TUBGCP2: variants seen among roughly 807,000 people sequenced by gnomAD.
TUBGCP2 encodes the protein tubulin gamma complex component 2.
In TUBGCP2, 55 loss-of-function variants were observed where a neutral mutation model predicts 92.2. The ratio of observed to expected loss-of-function variants is 0.60; its 90% CI spans 0.48 to 0.75. TUBGCP2 has a LOEUF of 0.75. TUBGCP2 is among the 30% of genes least tolerant of loss of function. The pLI, the probability that TUBGCP2 is intolerant of heterozygous loss-of-function variation, is 0.00. For synonymous variants in TUBGCP2, 533 were observed against 505.2 expected, an observed-to-expected ratio of 1.06 and a Z score of -0.74; for missense variants, 1,093 against 1,188.9, an observed-to-expected ratio of 0.92 and a Z score of 1.19.
At chr10:133,305,087 A>T (rs1373529267) in intron 1 of TUBGCP2, among the ~76,000 whole-genome samples, 1 of 152,140 alleles carries the variant, frequency 6.6e-6, no homozygotes, top group Non-Finnish European at 1.5e-5. Context: ...GCCTGACATC[A>T]GTCAGGCCCG....
At position 133,285,227 on chromosome 10, in the gene TUBGCP2, G is replaced by C; in HGVS notation, c.1896-14C>G. ...GTGAGGGCTTTCCTGCAAGAGACGT[G>C]GCGGCACCTCAGGTGGGCCTCCGTG... On this transcript the variant is annotated splice_polypyrimidine_tract_variant and intron_variant, in intron 12 of 17. Coordinates refer to ENST00000252936, the MANE Select transcript of TUBGCP2 (RefSeq NM_006659.4). The surrounding 1 kb of genome is among the most constrained non-coding windows in gnomAD (Gnocchi z 6.8). 1 of 1,610,976 alleles carries C rather than the reference G, an allele frequency of 6.2e-7. No individual in the cohort carries two copies. The highest frequency in any genetic ancestry group is 8.5e-7 in the Non-Finnish European group (1 of 1,179,968).
rs944955808 is a variant in TUBGCP2 at position 133,279,379 on chromosome 10, G to A, written c.*387C>T. 2.6e-4 allele frequency: 52 copies of A among 197,726 alleles called. 1 individual carries two copies. Among genetic ancestry groups the A allele is most frequent in the Non-Finnish European group, 1.7e-4 (16 of 96,734 alleles). The allele number at this position is 197,726 out of a possible 1,614,324, so 12.2% of individuals were successfully genotyped here. ...CTGACCGTTTCCAGAGGCTTGTCCC[G>A]GTTCCGACAGACCTCAGGAAGCCCG... On this transcript the variant is annotated 3_prime_UTR_variant, in exon 18 of 18. Transcript: ENST00000252936.
chr10:133,304,703 A>T lies in TUBGCP2; in HGVS notation c.-39-1723T>A, dbSNP rs946618398. On this transcript the variant is annotated intron_variant, in intron 1 of 17. Coordinates refer to ENST00000252936, the MANE Select transcript of TUBGCP2 (RefSeq NM_006659.4). ...ATGCTAGATCTAGATCATAGATATG[A>T]TTATATATGAATATCATTAATCATC... Among the ~76,000 whole-genome samples the T allele has an allele frequency of 1.3e-5, 2 of 152,358 alleles. 1 individual carries two copies. The highest frequency in any genetic ancestry group is 1.3e-4 in the Admixed American group (2 of 15,304).
At chr10:133,310,554 C>A (rs1022586821), upstream of TUBGCP2, 1 of 490,254 alleles carries the variant, frequency 2.0e-6, no homozygotes, top group East Asian at 3.9e-5. Flanking sequence ...AATGAGCGGG[C>A]GCAGCGCCTC....
chr10:133,299,625 T>C, intron 3 of TUBGCP2, 22 bp from the exon 4 acceptor site: 1 of 1,581,796 alleles, frequency 6.3e-7, no homozygotes, highest in South Asian at 1.1e-5. Flanking sequence ...TAAAACTGTG[T>C]GTTCACACTG....
In TUBGCP2 at chr10:133,300,086, G is replaced by C. The variant is rs1847605806; in HGVS notation, c.178C>G (p.Pro60Ala). The C allele has an allele frequency of 5.0e-6, 8 of 1,613,906 alleles. No individual in the cohort carries two copies. Among genetic ancestry groups the C allele is most frequent in the Admixed American group, 1.7e-5 (1 of 59,984 alleles). ...KVKIAEFSRTPEDFLKKYDEL... is the reference protein window; with the variant it reads ...KVKIAEFSRTAEDFLKKYDEL... Reference sequence around the variant, plus strand: ...TCATATTTCTTTAGAAAGTCTTCTGGAGTACGAGAAAACTCTGCAATTTTA... The same window carrying C: ...TCATATTTCTTTAGAAAGTCTTCTGCAGTACGAGAAAACTCTGCAATTTTA... Residue 60 changes from proline to alanine, a missense_variant, in exon 3 of 18, where the codon CCA (proline) becomes GCA (alanine). Coordinates refer to ENST00000252936, the MANE Select transcript of TUBGCP2 (RefSeq NM_006659.4).
At position 133,279,993 on chromosome 10, in the gene TUBGCP2, G is replaced by GC. The variant is rs1025839076; in HGVS notation, c.2574-93dup. 4 of 1,523,696 alleles carry GC rather than the reference G, an allele frequency of 2.6e-6. No individual in the cohort carries two copies. In the African/African-American group the frequency reaches 4.2e-5, roughly 16 times the overall value. The allele number at this position is 1,523,696 out of a possible 1,614,324, so 94.4% of individuals were successfully genotyped here. On this transcript the variant is annotated intron_variant, in intron 17 of 17. Transcript: ENST00000252936. ...TGTGGAAGGACGGTGCAGCTAGGGT[G>GC]CACACCCCTTCTGCGGGTGCGTGCT...
chr10:133,308,881 C>T, upstream of TUBGCP2: 1 of 1,193,370 alleles, frequency 8.4e-7, no homozygotes, highest in Non-Finnish European at 1.0e-6. Context: ...GTGAGCGTGA[C>T]GTCACGTCCG....
chr10:133,281,451 G>T lies in TUBGCP2; in HGVS notation c.2410-15C>A. The T allele has an allele frequency of 6.2e-7, 1 of 1,609,356 alleles. No individual in the cohort carries two copies. The highest frequency in any genetic ancestry group is 8.5e-7 in the Non-Finnish European group (1 of 1,179,192). On this transcript the variant is annotated splice_polypyrimidine_tract_variant and intron_variant, in intron 16 of 17. Transcript: ENST00000252936. ...TCAGCCAGGTGCTGGAAAGAAAGCC[G>T]GGGTGCGTGAGCCATGCCCACCCCC...
At chr10:133,301,054 C>G (rs1230717705) in intron 2 of TUBGCP2, among the ~76,000 whole-genome samples, 1 of 152,202 alleles carries the variant, frequency 6.6e-6, no homozygotes, top group Non-Finnish European at 1.5e-5. Context: ...CTGTATTCCC[C>G]GCAGTAGTTT....
chr10:133,306,769 C>G (rs1362731114), intron 1 of TUBGCP2, among the ~76,000 whole-genome samples: 1 of 152,074 alleles, frequency 6.6e-6, no homozygotes. Flanking sequence ...GCCTGGGCAA[C>G]AGAGCGAGAC....
At chr10:133,287,741 CA>C (rs755545622) in intron 11 of TUBGCP2, among the ~76,000 whole-genome samples, 34 of 127,752 alleles carry the variant, frequency 2.7e-4, no homozygotes, top group Admixed American at 6.4e-4. Context: ...AACTCCGTCT[CA>C]AAAAAAAAAA....
chr10:133,306,377 C>G (rs575549116), intron 1 of TUBGCP2, among the ~76,000 whole-genome samples: 5 of 152,204 alleles, frequency 3.3e-5, no homozygotes, highest in Non-Finnish European at 7.3e-5. Flanking sequence ...GTCTGAGAAA[C>G]ACTTTGGTCA....
At chr10:133,312,203 C>T, upstream of TUBGCP2, 1 of 1,406,148 alleles carries the variant, frequency 7.1e-7, no homozygotes, top group Non-Finnish European at 9.2e-7. Context: ...CCTGTGCCGT[C>T]TGCGTTTCTA....
intron 8 of TUBGCP2, among the ~76,000 whole-genome samples, chr10:133,291,358 T>TA (rs1847300651): frequency 2.2e-3 from 1 of 458 alleles, no homozygotes; most frequent in Non-Finnish European, 3.6e-3. Context: ...TGTCCCTCCG[T>TA]GTCCCCGTGT....
At position 133,283,221 on chromosome 10, in the gene TUBGCP2, C is replaced by T; in HGVS notation, c.2146G>A (p.Ala716Thr). The part of the protein sequence containing the change: ...WHILEKNLKS[A>T]SNIDDVLGHH... ...CCAAGGACGTCGTCAATGTTGGAGG[C>T]CTGCGGGGAACAGGCCAAGCCCCTT... Residue 716 changes from alanine (A) to threonine (T), a missense_variant and splice_region_variant, in exon 15 of 18, where the codon GCC (alanine) becomes ACC (threonine). Ala to Thr is a moderately conservative substitution (Grantham distance 58). This residue lies in a region of TUBGCP2 where 598 missense variants were observed against 675.5 expected (regional missense o/e 0.89). Coordinates refer to ENST00000252936, the MANE Select transcript of TUBGCP2 (RefSeq NM_006659.4). 6.2e-7 allele frequency: 1 copy of T among 1,614,202 alleles called. No individual in the cohort carries two copies. Among genetic ancestry groups the T allele is most frequent in the Non-Finnish European group, 8.5e-7 (1 of 1,180,038 alleles).
At position 133,302,879 on chromosome 10, in the gene TUBGCP2, T is replaced by C. The variant is rs950603938; in HGVS notation, c.63A>G (p.Gly21=). ...CAATGTAGACCTCAGCCCCATCTCC[T>C]CCGTGGACACGCAGCAGGCTAAGCA... is the stretch of plus-strand genomic sequence containing the variant. ...NELLSLLRVH[G]GDGAEVYIDL... The change falls in exon 2 of 18, where the codon GGA becomes GGG. Residue 21 remains glycine, a synonymous_variant. Transcript: ENST00000252936. 4 of 1,613,910 alleles carry C rather than the reference T, an allele frequency of 2.5e-6. No individual in the cohort carries two copies. The African/African-American group carries it at 5.3e-5, about 22-fold the overall frequency.
At chr10:133,307,142 T>TTCTTGGAGGAACGTCTAGCCGTGGCC (rs1847842090) in intron 1 of TUBGCP2, among the ~76,000 whole-genome samples, 1 of 152,162 alleles carries the variant, frequency 6.6e-6, no homozygotes, top group African/African-American at 2.4e-5. Flanking sequence ...TAGCCGTGGC[T>TTCTTGGAGGAACGTCTAGCCGTGGCC]GCTTCTTGGA....
At chr10:133,309,684 T>G (rs1256208257), upstream of TUBGCP2, 3 of 1,459,678 alleles carry the variant, frequency 2.1e-6, no homozygotes, top group African/African-American at 2.8e-5. Context: ...GCATAGGGGC[T>G]TTATTGGACG....
Sources: allele counts gnomAD v4.1 joint callset (sites outside exome capture counted in the v4.1 genomes callset), GRCh38; gene constraint gnomAD v4.1.1; regional missense constraint gnomAD v4.1.1; non-coding constraint Gnocchi (gnomAD v3.1); transcripts MANE v1.5; gene names NCBI Gene and HGNC (gene_info 2026-07-23, HGNC 2026-07-21).